HNRNPH3: variants seen among roughly 807,000 people sequenced by gnomAD.
HNRNPH3 encodes the protein heterogeneous nuclear ribonucleoprotein H3.
A neutral mutation model predicts 47.0 loss-of-function variants in HNRNPH3; 7 were observed. The ratio of observed to expected loss-of-function variants is 0.15; its 90% CI spans 0.08 to 0.28. The LOEUF (loss-of-function observed/expected upper bound fraction) is 0.28. HNRNPH3 is among the 10% of genes least tolerant of loss of function. HNRNPH3 has a pLI of 1.00. For missense variants in HNRNPH3, 279 were observed against 449.6 expected (o/e 0.62, Z 3.43); for synonymous variants, 120 against 143.2 (o/e 0.84, Z 1.16).
intron 1 of HNRNPH3, among the ~76,000 whole-genome samples, chr10:68,333,891 G>C (rs2045375150): frequency 6.6e-6 from 1 of 152,190 alleles, no homozygotes; most frequent in East Asian, 1.9e-4. Flanking sequence ...CAGTAGGTTT[G>C]AGTGACCCTT....
intron 1 of HNRNPH3, among the ~76,000 whole-genome samples, chr10:68,333,279 T>C (rs1554863706): frequency 5.2e-5 from 1 of 19,340 alleles, no homozygotes; most frequent in Non-Finnish European, 9.7e-5. Context: ...TTTTGAACTT[T>C]CGGGGTGGGG....
chr10:68,332,582 A>G (rs1352587332), intron 1 of HNRNPH3, among the ~76,000 whole-genome samples: 1 of 151,980 alleles, frequency 6.6e-6, no homozygotes, highest in Admixed American at 6.6e-5. Context: ...AGCTTCCGAA[A>G]ACTGATCTAG....
At chr10:68,339,389 C>A in intron 5 of HNRNPH3, 51 bp from the exon 6 acceptor site, 18 of 1,521,332 alleles carry the variant, frequency 1.2e-5, no homozygotes, top group Non-Finnish European at 1.6e-5. Context: ...ATGTATACTT[C>A]CCTACTTGTA....
Position 68,342,362 on chromosome 10 carries a change from T to A in HNRNPH3, c.*308T>A, listed in dbSNP as rs1466254892. The A allele has an allele frequency of 8.4e-6, 2 of 237,162 alleles. No homozygotes were observed. Among genetic ancestry groups the A allele is most frequent in the Non-Finnish European group, 1.6e-5 (2 of 121,594 alleles). 14.7% of individuals were successfully genotyped at this position (237,162 alleles called of 1,614,324 possible). On this transcript the variant is annotated 3_prime_UTR_variant, in exon 10 of 10. Transcript: ENST00000265866. ...GGTTGATGTATTTTACTATTAGTTC[T>A]ACAAGAAGTAGTGTGGTGTAATTTT...
rs891293275 is a variant in HNRNPH3 at position 68,337,664 on chromosome 10, C to T, written c.113-194C>T. The T allele has an allele frequency of 2.6e-5, 14 of 540,432 alleles. No homozygotes were observed. Among genetic ancestry groups the T allele is most frequent in the Middle Eastern group, 5.1e-4 (1 of 1,976 alleles). The allele number at this position is 540,432 out of a possible 1,614,324, so 33.5% of individuals were successfully genotyped here. A position where few individuals can be genotyped will look rare whatever the true frequency, so the allele number is the denominator to read the frequency against. ...TGTGTAATTACACAGTGTTTTTACACTGGTCGCAAAAAATTTATTTAATCC... is the reference window on the plus strand; with the variant it reads ...TGTGTAATTACACAGTGTTTTTACATTGGTCGCAAAAAATTTATTTAATCC... On this transcript the variant is annotated intron_variant, in intron 2 of 9. Coordinates refer to ENST00000265866, the MANE Select transcript of HNRNPH3 (RefSeq NM_012207.3). The surrounding 1 kb of genome is among the most constrained non-coding windows in gnomAD (Gnocchi z 4.5).
chr10:68,340,515 C>T (rs918263685), intron 6 of HNRNPH3, among the ~76,000 whole-genome samples: 34 of 152,156 alleles, frequency 2.2e-4, no homozygotes, highest in Non-Finnish European at 1.8e-4. Flanking sequence ...GGGCTAAATC[C>T]GGTCACACCA....
At chr10:68,338,298 G>A (rs2045641262) in intron 3 of HNRNPH3, 2 of 457,942 alleles carry the variant, frequency 4.4e-6, no homozygotes, top group East Asian at 3.3e-5. Flanking sequence ...TATACTTTAT[G>A]AATTGTTTTC....
intron 1 of HNRNPH3, chr10:68,336,974 A>ATACTACGAAATTCAG: frequency 2.5e-6 from 1 of 395,500 alleles, no homozygotes; most frequent in Non-Finnish European, 4.5e-6. Flanking sequence ...TATAATATTG[A>ATACTACGAAATTCAG]TACTACGAAA....
chr10:68,340,229 G>A (rs1399269986), intron 6 of HNRNPH3, among the ~76,000 whole-genome samples: 2 of 152,114 alleles, frequency 1.3e-5, no homozygotes, highest in Non-Finnish European at 2.9e-5. Flanking sequence ...GTAGAGATGG[G>A]GTTTCACCAT....
Position 68,337,391 on chromosome 10 carries a change from T to C in HNRNPH3, c.112+58T>C. On this transcript the variant is annotated intron_variant, in intron 2 of 9. Transcript: ENST00000265866. This position sits in a 1 kb window ranked among gnomAD's most constrained non-coding sequence, Gnocchi z 4.5. ...TTGTAATTTTATATTTGTATTGTTTTACTGTTTTTAATTTGTAAAACCCAT... is the reference window on the plus strand; with the variant it reads ...TTGTAATTTTATATTTGTATTGTTTCACTGTTTTTAATTTGTAAAACCCAT... 1 of 1,091,712 alleles carries C rather than the reference T, an allele frequency of 9.2e-7. No homozygotes were observed. 67.6% of individuals were successfully genotyped at this position (1,091,712 alleles called of 1,614,324 possible).
At chr10:68,336,925 G>T (rs190420141) in intron 1 of HNRNPH3, 1 of 273,790 alleles carries the variant, frequency 3.7e-6, no homozygotes, top group African/African-American at 2.2e-5. Context: ...GAAGACTCTG[G>T]TAGTAGAATT....
At chr10:68,338,039 G>C in intron 3 of HNRNPH3, 43 bp downstream of exon 3, 2 of 1,505,214 alleles carry the variant, frequency 1.3e-6, no homozygotes, top group Middle Eastern at 1.8e-4. Context: ...TTTTATTTTT[G>C]GGGGTTGTGG....
intron 7 of HNRNPH3, 77 bp downstream of exon 7, chr10:68,341,386 T>TA (rs2045925793): frequency 6.9e-7 from 1 of 1,454,204 alleles, no homozygotes; most frequent in Non-Finnish European, 9.4e-7. Context: ...GATCTGTAGG[T>TA]AACGCTTGGC....
intron 1 of HNRNPH3, among the ~76,000 whole-genome samples, chr10:68,335,513 C>G (rs2045501978): frequency 6.6e-6 from 1 of 151,904 alleles, no homozygotes. Flanking sequence ...GCCGCCTCCT[C>G]TCAGAGCTAC....
intron 1 of HNRNPH3, chr10:68,333,069 G>T (rs2045292658): frequency 6.6e-6 from 1 of 152,000 alleles, no homozygotes; most frequent in African/African-American, 2.4e-5. Context: ...CGCTTAGCCG[G>T]CCCTTATATT....
chr10:68,333,761 A>ATAAGAATATTGTTACCTACT (rs1250984513), intron 1 of HNRNPH3, among the ~76,000 whole-genome samples: 1 of 152,216 alleles, frequency 6.6e-6, no homozygotes, highest in Admixed American at 6.5e-5. Flanking sequence ...GTAAAACTTT[A>ATAAGAATATTGTTACCTACT]TAAGAATATT....
At chr10:68,341,410 T>C in intron 7 of HNRNPH3, 101 bp downstream of exon 7, 1 of 1,292,586 alleles carries the variant, frequency 7.7e-7, no homozygotes, top group South Asian at 1.3e-5. Context: ...TGTTGGGATT[T>C]AAAACCATTT....
chr10:68,333,263 G>A (rs1306488451), intron 1 of HNRNPH3, among the ~76,000 whole-genome samples: 2 of 87,690 alleles, frequency 2.3e-5, no homozygotes, highest in African/African-American at 9.3e-5. Context: ...AACTATAATT[G>A]TTGCTTTTTG....
At position 68,341,316 on chromosome 10, in the gene HNRNPH3, G is replaced by T; in HGVS notation, c.775+7G>T. ...AAAGATAAAAATAACATGCGTAAGT[G>T]GTGTCTTTGGCACACAATCTTATTT... On this transcript the variant is annotated splice_region_variant and intron_variant, in intron 7 of 9. Transcript: ENST00000265866. The T allele has an allele frequency of 6.3e-7, 1 of 1,597,440 alleles. No individual in the cohort carries two copies.
Sources: gnomAD v4.1 joint callset for allele counts (sites outside exome capture counted in the v4.1 genomes callset) on GRCh38, gnomAD v4.1.1 for gene constraint, Gnocchi (gnomAD v3.1) non-coding constraint, MANE v1.5 for transcripts, NCBI Gene and HGNC (gene_info 2026-07-23, HGNC 2026-07-21) for gene names.